The following SSBP2 variants were observed in gnomAD, a reference collection of about 807,000 sequenced individuals.
The protein encoded by SSBP2 is single stranded DNA binding protein 2, also known as single-stranded DNA-binding protein 2.
SSBP2 carries 17 observed loss-of-function variants against 61.8 expected under a neutral mutation model. That is an observed-to-expected ratio of 0.28 (90% confidence interval 0.19 to 0.41). The LOEUF (loss-of-function observed/expected upper bound fraction) is 0.41. Among genes scored for constraint, SSBP2 ranks in the 10% least tolerant of loss-of-function variants. SSBP2 has a pLI of 1.00. For synonymous variants in SSBP2, 139 were observed against 141.3 expected (o/e 0.98, Z 0.12); for missense variants, 310 against 458.7 (o/e 0.68, Z 2.96).
intron 4 of SSBP2, among the ~76,000 whole-genome samples, chr5:81,541,807 C>T (rs962832338): frequency 3.9e-5 from 6 of 152,116 alleles, no homozygotes; most frequent in African/African-American, 1.2e-4. Flanking sequence ...AAACCTCAAA[C>T]TATAAGAATC....
chr5:81,423,484 C>A (rs1761741502), intron 16 of SSBP2, among the ~76,000 whole-genome samples: 1 of 152,160 alleles, frequency 6.6e-6, no homozygotes, highest in Non-Finnish European at 1.5e-5. Context: ...GTGGCTCATG[C>A]CTGTAATTCC....
intron 11 of SSBP2, among the ~76,000 whole-genome samples, chr5:81,447,478 T>TAC (rs1763480775): frequency 6.6e-6 from 1 of 152,208 alleles, no homozygotes; most frequent in Admixed American, 6.5e-5. Context: ...AGGCTGTAGC[T>TAC]ACACAATCAA....
intron 3 of SSBP2, among the ~76,000 whole-genome samples, chr5:81,635,969 G>C (rs1748186717): frequency 6.6e-6 from 1 of 152,190 alleles, no homozygotes. Flanking sequence ...GAAGGGTTGA[G>C]TTTTTAAATA....
intron 4 of SSBP2, among the ~76,000 whole-genome samples, chr5:81,529,353 A>T (rs1770216512): frequency 6.6e-6 from 1 of 152,194 alleles, no homozygotes; most frequent in African/African-American, 2.4e-5. Flanking sequence ...TTGCCTTGGT[A>T]AAAATATTAC....
At chr5:81,668,248 TAAAAAAAAA>T (rs11332987) in intron 1 of SSBP2, among the ~76,000 whole-genome samples, 12 of 94,904 alleles carry the variant, frequency 1.3e-4, no homozygotes, top group African/African-American at 3.3e-4. Context: ...TATGGAAGTT[TAAAAAAAAA>T]AAAAAAAAAA....
At chr5:81,706,382 G>A (rs1754396461) in intron 1 of SSBP2, among the ~76,000 whole-genome samples, 1 of 152,146 alleles carries the variant, frequency 6.6e-6, no homozygotes, top group Non-Finnish European at 1.5e-5. Context: ...TAGGTACTAA[G>A]CTCACTTCCT....
At chr5:81,583,672 A>AT (rs1351404405) in intron 4 of SSBP2, among the ~76,000 whole-genome samples, 3 of 150,848 alleles carry the variant, frequency 2.0e-5, no homozygotes, top group Non-Finnish European at 4.4e-5. Flanking sequence ...CACATTTCCC[A>AT]TCAGAATATG....
chr5:81,497,323 A>G (rs868144531), intron 5 of SSBP2, among the ~76,000 whole-genome samples: 6 of 152,214 alleles, frequency 3.9e-5, no homozygotes, highest in Middle Eastern at 6.3e-3. Context: ...GGAAGAAAGC[A>G]GCTAGCACAT....
intron 1 of SSBP2, among the ~76,000 whole-genome samples, chr5:81,684,014 GGACA>G (rs1474393466): frequency 6.6e-6 from 1 of 152,108 alleles, no homozygotes; most frequent in African/African-American, 2.4e-5. Flanking sequence ...ATGCAAACTG[GGACA>G]GCCACTTTGG....
intron 4 of SSBP2, among the ~76,000 whole-genome samples, chr5:81,535,815 T>C (rs1770758247): frequency 1.3e-5 from 2 of 152,020 alleles, no homozygotes; most frequent in Non-Finnish European, 2.9e-5. Flanking sequence ...AACTTCTAGA[T>C]AATAACATAT....
chr5:81,441,057 C>T (rs1411981859), intron 13 of SSBP2, among the ~76,000 whole-genome samples: 2 of 152,258 alleles, frequency 1.3e-5, no homozygotes, highest in Middle Eastern at 3.4e-3. Flanking sequence ...ACAACATTAA[C>T]ATTTTTCTTA....
At chr5:81,587,976 A>G (rs1775200783) in intron 4 of SSBP2, among the ~76,000 whole-genome samples, 1 of 151,940 alleles carries the variant, frequency 6.6e-6, no homozygotes, top group Admixed American at 6.6e-5. Context: ...GATAAATATT[A>G]TTTTTTGAGA....
chr5:81,722,677 T>C (rs973054968), intron 1 of SSBP2, among the ~76,000 whole-genome samples: 2 of 152,030 alleles, frequency 1.3e-5, no homozygotes, highest in African/African-American at 2.4e-5. Context: ...CATCATATGA[T>C]GTTAGTAAGA....
At chr5:81,592,718 C>T (rs1743202139) in intron 4 of SSBP2, among the ~76,000 whole-genome samples, 1 of 152,232 alleles carries the variant, frequency 6.6e-6, no homozygotes, top group Non-Finnish European at 1.5e-5. Flanking sequence ...GCTGCTGGTA[C>T]TCAGGCAAAC....
At chr5:81,509,456 A>G (rs1768427863) in intron 5 of SSBP2, among the ~76,000 whole-genome samples, 1 of 152,182 alleles carries the variant, frequency 6.6e-6, no homozygotes, top group Non-Finnish European at 1.5e-5. Context: ...ACTCCTCATT[A>G]ACTATATGTA....
chr5:81,571,357 G>A (rs1424078065), intron 4 of SSBP2, among the ~76,000 whole-genome samples: 1 of 151,826 alleles, frequency 6.6e-6, no homozygotes, highest in Non-Finnish European at 1.5e-5. Flanking sequence ...AGTGCAGTGG[G>A]CAAAAATGCA....
Position 81,730,788 on chromosome 5 carries a change from T to G in SSBP2, c.62+20193A>C, listed in dbSNP as rs150256220. On this transcript the variant is annotated intron_variant, in intron 1 of 16. Transcript: ENST00000320672. ...TCCAAACTAAAGTAGAAACTCAGGT[T>G]CCTTTTAAGTGATGAAATTGAAGCA... Among the ~76,000 whole-genome samples, 227 of 152,306 alleles carry G rather than the reference T, an allele frequency of 1.5e-3. 1 individual carries two copies. Among genetic ancestry groups the G allele is most frequent in the African/African-American group, 5.1e-3 (210 of 41,556 alleles).
chr5:81,671,205 T>C (rs1197198831), intron 1 of SSBP2, among the ~76,000 whole-genome samples: 2 of 152,190 alleles, frequency 1.3e-5, no homozygotes, highest in East Asian at 1.9e-4. Flanking sequence ...GATAGAAATG[T>C]ATGGTAATCA....
At chr5:81,693,871 CTG>C (rs572982171) in intron 1 of SSBP2, among the ~76,000 whole-genome samples, 125 of 152,224 alleles carry the variant, frequency 8.2e-4, no homozygotes, top group African/African-American at 2.9e-3. Flanking sequence ...GAAGAGATAC[CTG>C]CACTCCCATA....
Sources: gnomAD v4.1 joint callset for allele counts (sites outside exome capture counted in the v4.1 genomes callset) on GRCh38, gnomAD v4.1.1 for gene constraint, MANE v1.5 for transcripts, NCBI Gene and HGNC (gene_info 2026-07-23, HGNC 2026-07-21) for gene names.